The following SHROOM3 variants were observed in gnomAD, a reference collection of about 807,000 sequenced individuals.
SHROOM3 encodes the protein shroom family member 3.
Under a neutral mutation model 138.6 loss-of-function variants are expected in SHROOM3, and 47 were observed. That is an observed-to-expected ratio of 0.34 (90% confidence interval 0.27 to 0.43). The LOEUF (loss-of-function observed/expected upper bound fraction) is 0.43, where lower values mean the gene tolerates loss of function less well. SHROOM3 is among the 20% of genes least tolerant of loss of function. The pLI, the probability that SHROOM3 is intolerant of heterozygous loss-of-function variation, is 1.00. For missense variants in SHROOM3, 2,491 were observed against 2,596.5 expected (o/e 0.96, Z 0.88); for synonymous variants, 1,062 against 1,063.3 (o/e 1.00, Z 0.02).
chr4:76,706,857 C>T (rs1335474606), intron 2 of SHROOM3, among the ~76,000 whole-genome samples: 2 of 152,158 alleles, frequency 1.3e-5, no homozygotes, highest in African/African-American at 4.8e-5. Flanking sequence ...CAGTGTGCTG[C>T]ACTGCTAGCA....
At chr4:76,749,371 T>G (rs989282526) in intron 6 of SHROOM3, among the ~76,000 whole-genome samples, 2 of 152,266 alleles carry the variant, frequency 1.3e-5, no homozygotes, top group Non-Finnish European at 2.9e-5. Flanking sequence ...CTTTTTATTT[T>G]CCATTTAGAA....
chr4:76,539,315 C>G (rs1733046605), intron 1 of SHROOM3, among the ~76,000 whole-genome samples: 1 of 152,030 alleles, frequency 6.6e-6, no homozygotes, highest in South Asian at 2.1e-4. Flanking sequence ...CTATCATGTC[C>G]AGGGTCTGGG....
Position 76,740,839 on chromosome 4 carries a change from A to G in SHROOM3, c.2666A>G (p.Gln889Arg). Residue 889 changes from glutamine (Q) to arginine (R), a missense_variant, in exon 5 of 11, where the codon CAG (glutamine) becomes CGG (arginine). Coordinates refer to ENST00000296043, the MANE Select transcript of SHROOM3 (RefSeq NM_020859.4). This position sits in a 1 kb window ranked among gnomAD's most constrained non-coding sequence, Gnocchi z 4.0. The part of the protein sequence containing the change: ...QRPDARLLRS[Q>R]STFQLSSEPE... Reference sequence around the variant, plus strand: ...CCGGACGCTCGGCTCCTCCGTAGCCAGAGCACCTTCCAGCTCTCCAGCGAG... The same window carrying G: ...CCGGACGCTCGGCTCCTCCGTAGCCGGAGCACCTTCCAGCTCTCCAGCGAG... 1.9e-6 allele frequency: 3 copies of G among 1,588,096 alleles called. No individual in the cohort carries two copies. The highest frequency in any genetic ancestry group is 2.6e-6 in the Non-Finnish European group (3 of 1,167,916).
chr4:76,570,780 C>T (rs1733820322), intron 2 of SHROOM3, among the ~76,000 whole-genome samples: 4 of 152,172 alleles, frequency 2.6e-5, no homozygotes, highest in Admixed American at 2.6e-4. Flanking sequence ...ACAGTGAGGG[C>T]TGTGTAATAA....
intron 2 of SHROOM3, among the ~76,000 whole-genome samples, chr4:76,600,929 A>G (rs529775817): frequency 6.6e-6 from 1 of 152,372 alleles, no homozygotes; most frequent in East Asian, 1.9e-4. Flanking sequence ...AGCAACCACA[A>G]AAATCAAACA....
intron 1 of SHROOM3, among the ~76,000 whole-genome samples, chr4:76,530,084 C>T (rs569781415): frequency 1.3e-5 from 2 of 152,256 alleles, no homozygotes; most frequent in Admixed American, 6.5e-5. Flanking sequence ...CAGTAATATG[C>T]GGAGATCTAC....
rs553639612 is a variant in SHROOM3 at position 76,779,268 on chromosome 4, A to G, written c.*91A>G. On this transcript the variant is annotated 3_prime_UTR_variant, in exon 11 of 11. Coordinates refer to ENST00000296043, the MANE Select transcript of SHROOM3 (RefSeq NM_020859.4). ...TTCAGTACAAACCACTGTTTGAACT[A>G]TCTGGGTTATTGGTGTTTGTTCCTG... 8.9e-5 allele frequency: 131 copies of G among 1,473,410 alleles called. No homozygotes were observed. In the African/African-American group the frequency reaches 1.7e-3, roughly 19 times the overall value. The allele number at this position is 1,473,410 out of a possible 1,614,324, so 91.3% of individuals were successfully genotyped here.
chr4:76,737,960 GC>G (rs1305911569), intron 4 of SHROOM3, among the ~76,000 whole-genome samples: 1 of 152,074 alleles, frequency 6.6e-6, no homozygotes, highest in Non-Finnish European at 1.5e-5. Flanking sequence ...CTCCAGACGG[GC>G]TCTGAAAACC....
At chr4:76,758,691 T>C (rs538238175) in intron 8 of SHROOM3, 49 of 152,326 alleles carry the variant, frequency 3.2e-4, no homozygotes, top group African/African-American at 1.1e-3. Flanking sequence ...GGGACAGTTA[T>C]CAAGCAGGAA....
intron 2 of SHROOM3, among the ~76,000 whole-genome samples, chr4:76,623,424 A>G (rs1215762418): frequency 6.6e-6 from 1 of 152,218 alleles, no homozygotes; most frequent in Admixed American, 6.5e-5. Context: ...TGGTCACTTA[A>G]CAGTTTATAA....
intron 2 of SHROOM3, among the ~76,000 whole-genome samples, chr4:76,620,812 G>A (rs139980743): frequency 1.2e-3 from 184 of 152,214 alleles, no homozygotes; most frequent in African/African-American, 4.3e-3. Context: ...CCTGTGTAAC[G>A]TTCAGTCTTT....
intron 2 of SHROOM3, among the ~76,000 whole-genome samples, chr4:76,652,720 AGTAAGAGAT>A (rs1163146952): frequency 6.6e-6 from 1 of 151,942 alleles, no homozygotes. Flanking sequence ...GTTCATGCAA[AGTAAGAGAT>A]GTAAGAGATA....
chr4:76,706,889 G>A (rs993688264), intron 2 of SHROOM3, among the ~76,000 whole-genome samples: 3 of 152,160 alleles, frequency 2.0e-5, no homozygotes, highest in South Asian at 2.1e-4. Context: ...ACCTCACCCC[G>A]ACTTCCACAG....
intron 2 of SHROOM3, among the ~76,000 whole-genome samples, chr4:76,688,085 G>A (rs1719392426): frequency 6.6e-6 from 1 of 152,170 alleles, no homozygotes; most frequent in African/African-American, 2.4e-5. Flanking sequence ...CCCCAAACAA[G>A]ATTGCCACAG....
At position 76,539,355 on chromosome 4, in the gene SHROOM3, G is replaced by A. The variant is rs548516229; in HGVS notation, c.169-16254G>A. On this transcript the variant is annotated intron_variant, in intron 1 of 10. Coordinates refer to ENST00000296043, the MANE Select transcript of SHROOM3 (RefSeq NM_020859.4). ...GATCAGAAGCCTTCCTCTAGGGATG[G>A]TTGAAATTATCAAGCCAACTTCCAG... 2.6e-5 allele frequency among the ~76,000 whole-genome samples: 4 copies of A among 152,166 alleles called. No homozygotes were observed. The South Asian group carries it at 8.3e-4, about 32-fold the overall frequency.
chr4:76,509,268 A>G (rs1485246569), intron 1 of SHROOM3: 1 of 151,726 alleles, frequency 6.6e-6, no homozygotes, highest in East Asian at 1.9e-4. Context: ...CTCCGAATCC[A>G]GCATCCACAA....
chr4:76,477,004 G>A lies in SHROOM3; in HGVS notation c.168+40784G>A, dbSNP rs528220159. On this transcript the variant is annotated intron_variant, in intron 1 of 10. Coordinates refer to ENST00000296043, the MANE Select transcript of SHROOM3 (RefSeq NM_020859.4). The stretch of plus-strand genomic sequence containing the variant: ...ATTTTTTGAGACAGAGTCTCACTCT[G>A]TTGCCCAGGCTGGAGTGCAGCGGCC... Among the ~76,000 whole-genome samples the A allele has an allele frequency of 9.1e-4, 138 of 152,296 alleles. 1 individual carries two copies. Among genetic ancestry groups the A allele is most frequent in the African/African-American group, 3.2e-3 (135 of 41,558 alleles).
intron 2 of SHROOM3, chr4:76,573,739 C>A (rs531226135): frequency 6.5e-6 from 1 of 152,784 alleles, no homozygotes; most frequent in South Asian, 2.1e-4. Context: ...TTGCTGGCAA[C>A]CCCACACTTA....
At chr4:76,626,712 C>G (rs1159940083) in intron 2 of SHROOM3, among the ~76,000 whole-genome samples, 3 of 152,176 alleles carry the variant, frequency 2.0e-5, no homozygotes, top group Non-Finnish European at 4.4e-5. Context: ...GGAATTGAGG[C>G]TCAGAGAGGT....
Sources: gnomAD v4.1 joint callset for allele counts (sites outside exome capture counted in the v4.1 genomes callset) on GRCh38, gnomAD v4.1.1 for gene constraint, Gnocchi (gnomAD v3.1) non-coding constraint, MANE v1.5 for transcripts, NCBI Gene and HGNC (gene_info 2026-07-23, HGNC 2026-07-21) for gene names.